Variants in CCDC88C observed in about 807,000 individuals in gnomAD.
CCDC88C encodes protein Daple.
A neutral mutation model predicts 198.8 loss-of-function variants in CCDC88C; 131 were observed. The observed-to-expected ratio is 0.66, with a 90% confidence interval of 0.57 to 0.76. The LOEUF is 0.76. Among genes scored for constraint, CCDC88C ranks in the 30% least tolerant of loss-of-function variants. CCDC88C has a pLI of 0.00. For synonymous variants in CCDC88C, 1,166 were observed against 1,114.7 expected (o/e 1.05, Z -0.92); for missense variants, 2,553 against 2,631.6 (o/e 0.97, Z 0.65).
At chr14:91,314,592 T>C (rs116677156) in intron 14 of CCDC88C, among the ~76,000 whole-genome samples, 3,169 of 152,330 alleles carry the variant, frequency 0.021, 128 homozygotes, top group African/African-American at 0.072. Flanking sequence ...GGCTCTTTCT[T>C]ATACTTGGGG....
In CCDC88C at chr14:91,285,210, A is replaced by G. The variant is rs115153931; in HGVS notation, c.4442-1693T>C. 9.6e-3 allele frequency among the ~76,000 whole-genome samples: 1,460 copies of G among 152,336 alleles called. 21 individuals are homozygous for G. The highest frequency in any genetic ancestry group is 0.032 in the African/African-American group (1,350 of 41,568). ...CAACTCAGTGCTCTGACAAAGGAAG[A>G]GGAGAAAAGGGCAGCAGTTTTAAAT... On this transcript the variant is annotated intron_variant, in intron 25 of 29. Coordinates refer to ENST00000389857, the MANE Select transcript of CCDC88C (RefSeq NM_001080414.4).
In CCDC88C at chr14:91,372,374, T is replaced by C. The variant is rs533582950; in HGVS notation, c.271-12663A>G. ...CACCAGCAAATCCCACCAGCAAGTC[T>C]GGCACCCTAACAGAGGGATGGCAGG... On this transcript the variant is annotated intron_variant, in intron 3 of 29. Coordinates refer to ENST00000389857, the MANE Select transcript of CCDC88C (RefSeq NM_001080414.4). Among the ~76,000 whole-genome samples the C allele has an allele frequency of 6.6e-5, 10 of 151,884 alleles. No homozygotes were observed. In the South Asian group the frequency reaches 2.1e-3, roughly 32 times the overall value.
intron 4 of CCDC88C, among the ~76,000 whole-genome samples, chr14:91,346,005 G>C (rs1437212661): frequency 6.6e-6 from 1 of 152,066 alleles, no homozygotes; most frequent in Admixed American, 6.5e-5. Context: ...GCCAGAAATA[G>C]CTTTCTTCTC....
intron 23 of CCDC88C, among the ~76,000 whole-genome samples, 196 bp downstream of exon 23, chr14:91,293,977 C>A (rs1890884277): frequency 6.6e-6 from 1 of 152,166 alleles, no homozygotes. Context: ...AAACAAAAGC[C>A]AACTGAGAAC....
chr14:91,379,826 C>G, intron 3 of CCDC88C: 1 of 702,962 alleles, frequency 1.4e-6, no homozygotes, highest in South Asian at 1.5e-5. Context: ...GAAGCCAATG[C>G]GAAAACTCAA....
chr14:91,360,252 TCACACACACACACACACACACA>T (rs57026211), intron 3 of CCDC88C, among the ~76,000 whole-genome samples: 1 of 144,196 alleles, frequency 6.9e-6, no homozygotes, highest in Non-Finnish European at 1.5e-5. Flanking sequence ...GACCCCATCT[TCACACACACACACACACACACA>T]CACACACACA....
At chr14:91,372,021 A>G (rs1040103658) in intron 3 of CCDC88C, among the ~76,000 whole-genome samples, 2 of 152,158 alleles carry the variant, frequency 1.3e-5, no homozygotes. Context: ...GCCTCAGGGT[A>G]CGAGCACCAC....
intron 3 of CCDC88C, among the ~76,000 whole-genome samples, chr14:91,373,750 G>C (rs1358224381): frequency 6.6e-6 from 1 of 152,204 alleles, no homozygotes; most frequent in Non-Finnish European, 1.5e-5. Context: ...ATCTCGGCAG[G>C]AAGTGAAAAT....
intron 2 of CCDC88C, among the ~76,000 whole-genome samples, chr14:91,409,360 T>TA (rs1886684114): frequency 6.6e-6 from 1 of 151,856 alleles, no homozygotes. Context: ...TAATTTTTTT[T>TA]ATAGAGACAG....
chr14:91,373,858 G>A (rs1040740773), intron 3 of CCDC88C, among the ~76,000 whole-genome samples: 16 of 152,168 alleles, frequency 1.1e-4, no homozygotes, highest in African/African-American at 3.6e-4. Context: ...CTGCCCACCC[G>A]CACCTGACAA....
At chr14:91,380,291 AC>A (rs1456469050) in intron 3 of CCDC88C, among the ~76,000 whole-genome samples, 1 of 152,210 alleles carries the variant, frequency 6.6e-6, no homozygotes, top group Non-Finnish European at 1.5e-5. Flanking sequence ...CATAAAGCAC[AC>A]CAGTGTTCAG....
intron 3 of CCDC88C, among the ~76,000 whole-genome samples, chr14:91,387,162 T>C (rs1205275999): frequency 1.3e-5 from 2 of 152,194 alleles, no homozygotes; most frequent in Non-Finnish European, 2.9e-5. Flanking sequence ...GGACTTGTTC[T>C]GGGAAAAGAA....
Position 91,369,469 on chromosome 14 carries a change from G to C in CCDC88C, c.271-9758C>G, listed in dbSNP as rs1278262158. Among the ~76,000 whole-genome samples the C allele has an allele frequency of 4.6e-5, 7 of 152,278 alleles. No homozygotes were observed. In the East Asian group the frequency reaches 9.6e-4, roughly 21 times the overall value. On this transcript the variant is annotated intron_variant, in intron 3 of 29. Transcript: ENST00000389857. ...GATCCACCCACCTCGGCCTCCCAAA[G>C]TGCTGGGATCACAGGTGTGACCCAC...
rs758438547 is a variant in CCDC88C, at chr14:91,345,166, T to TTATATATATATA, written c.341-1521_341-1510dup. Among the ~76,000 whole-genome samples the TTATATATATATA allele has an allele frequency of 8.0e-5, 8 of 100,526 alleles. 1 individual carries two copies. The highest frequency in any genetic ancestry group is 2.8e-4 in the African/African-American group (7 of 24,582). 65.9% of individuals were successfully genotyped at this position (100,526 alleles called of 152,430 possible). A position where few individuals can be genotyped will look rare whatever the true frequency, so the allele number is the denominator to read the frequency against. On this transcript the variant is annotated intron_variant, in intron 4 of 29. Transcript: ENST00000389857. ...CCAATACCCCTTCCAGAGGTTCAAT[T>TTATATATATATA]TATATATATATATATATATATATAT...
chr14:91,379,559 T>C, intron 3 of CCDC88C: 4 of 525,050 alleles, frequency 7.6e-6, no homozygotes, highest in African/African-American at 1.9e-5. Flanking sequence ...CCATGTTTAC[T>C]GCCTGATTCA....
chr14:91,405,212 G>C (rs879591756), intron 3 of CCDC88C, among the ~76,000 whole-genome samples: 4 of 152,144 alleles, frequency 2.6e-5, no homozygotes, highest in Non-Finnish European at 5.9e-5. Flanking sequence ...CGCTCTTTAG[G>C]AAAGGCCTGG....
At chr14:91,274,486 G>A (rs1889874294) in intron 29 of CCDC88C, among the ~76,000 whole-genome samples, 1 of 152,218 alleles carries the variant, frequency 6.6e-6, no homozygotes, top group Admixed American at 6.5e-5. Context: ...CATGGATGAA[G>A]AGGAAGAGAA....
intron 2 of CCDC88C, among the ~76,000 whole-genome samples, chr14:91,412,440 CT>C (rs11314102): frequency 0.85 from 117,194 of 138,600 alleles, 49,460 homozygotes; most frequent in East Asian, 0.97. Context: ...GTATTTTTTT[CT>C]TTTTTTTTTT....
chr14:91,335,508 T>G (rs1893012609), intron 10 of CCDC88C, among the ~76,000 whole-genome samples: 2 of 152,068 alleles, frequency 1.3e-5, no homozygotes, highest in African/African-American at 4.8e-5. Context: ...ATTTCAGGCC[T>G]CACTTTCAAC....
Sources: gnomAD v4.1 joint callset for allele counts (sites outside exome capture counted in the v4.1 genomes callset) on GRCh38, gnomAD v4.1.1 for gene constraint, MANE v1.5 for transcripts, NCBI Gene and HGNC (gene_info 2026-07-23, HGNC 2026-07-21) for gene names.